Variants in ANKRD30B observed in about 807,000 individuals in gnomAD.
ANKRD30B encodes ankyrin repeat domain 30B.
Under a neutral mutation model 202.2 loss-of-function variants are expected in ANKRD30B, and 144 were observed. That is an observed-to-expected ratio of 0.71 (90% CI 0.62 to 0.82). The LOEUF (loss-of-function observed/expected upper bound fraction) is 0.82. Among genes scored for constraint, ANKRD30B ranks in the 40% least tolerant of loss-of-function variants. ANKRD30B has a pLI of 0.00. For missense variants in ANKRD30B, 1,487 were observed against 1,669.1 expected (o/e 0.89, Z 1.90); for synonymous variants, 508 against 561.3 (o/e 0.91, Z 1.34).
chr18:14,837,327 A>T (rs1971222850), intron 35 of ANKRD30B, 38 bp downstream of exon 35: 2 of 1,472,020 alleles, frequency 1.4e-6, no homozygotes, highest in East Asian at 2.5e-5. Context: ...AAATAATAGA[A>T]ATGGTAAATT....
At chr18:14,887,477 A>G in the ANKRD30B span, among the ~76,000 whole-genome samples, 2 of 152,160 alleles carry the variant, frequency 1.3e-5, no homozygotes, top group Non-Finnish European at 2.9e-5. Context: ...GATTTTATTT[A>G]TCTGATCCAA....
chr18:14,839,659 T>C (rs1237060724), intron 36 of ANKRD30B, among the ~76,000 whole-genome samples: 1 of 152,224 alleles, frequency 6.6e-6, no homozygotes, highest in East Asian at 1.9e-4. Context: ...TATCTAATGA[T>C]TGTTTGCTTT....
At position 14,851,874 on chromosome 18, in the gene ANKRD30B, A is replaced by C; in HGVS notation, c.3930A>C (p.Gln1310His). 2 of 1,589,090 alleles carry C rather than the reference A, an allele frequency of 1.3e-6. No individual in the cohort carries two copies. The highest frequency in any genetic ancestry group is 1.7e-6 in the Non-Finnish European group (2 of 1,166,674). ...RLASALQDHDQSVTSRKNQEL... is the reference protein window; with the variant it reads ...RLASALQDHDHSVTSRKNQEL... ...CTTCTGCTTTACAAGACCATGATCA[A>C]AGTGTCACATCAAGAAAAAACCAAG... is the stretch of plus-strand genomic sequence containing the variant. Residue 1310 changes from glutamine to histidine, a missense_variant, in exon 42 of 44, where the codon CAA becomes CAC. Physicochemically the swap from Gln to His is conservative, Grantham distance 24. Transcript: ENST00000690538.
intron 34 of ANKRD30B, among the ~76,000 whole-genome samples, chr18:14,833,243 A>G (rs563487708): frequency 7.0e-6 from 1 of 142,518 alleles, no homozygotes; most frequent in Admixed American, 7.1e-5. Context: ...GCCGAAACTC[A>G]TGTTCTTTTT....
At chr18:14,940,931 C>T in the ANKRD30B span, among the ~76,000 whole-genome samples, 1 of 152,122 alleles carries the variant, frequency 6.6e-6, no homozygotes, top group Non-Finnish European at 1.5e-5. Context: ...TTCTGAGAGT[C>T]CCAGGGACTC....
the ANKRD30B span, among the ~76,000 whole-genome samples, chr18:14,864,071 G>A: frequency 2.6e-5 from 4 of 151,396 alleles, no homozygotes; most frequent in Non-Finnish European, 4.4e-5. Flanking sequence ...TGCCAGGTGC[G>A]GTGGCTCAAA....
In ANKRD30B at chr18:14,837,303, T is replaced by C. The variant is rs1296992073; in HGVS notation, c.2926+14T>C. The stretch of plus-strand genomic sequence containing the variant: ...AAGATCAAACAAGTAATGACAATTT[T>C]ATTTTTTATACCAAAATAATAGAAA... On this transcript the variant is annotated intron_variant, in intron 35 of 43. Transcript: ENST00000690538. The C allele has an allele frequency of 1.3e-6, 2 of 1,513,918 alleles. No individual in the cohort carries two copies. The highest frequency in any genetic ancestry group is 2.1e-5 in the Admixed American group (1 of 47,532). 93.8% of individuals were successfully genotyped at this position (1,513,918 alleles called of 1,614,324 possible).
chr18:14,878,292 G>C, the ANKRD30B span, among the ~76,000 whole-genome samples: 1 of 152,152 alleles, frequency 6.6e-6, no homozygotes, highest in East Asian at 1.9e-4. Context: ...TTGTTAACTT[G>C]ATTATCTACC....
the ANKRD30B span, among the ~76,000 whole-genome samples, chr18:14,913,974 T>A: frequency 1.9e-4 from 29 of 152,332 alleles, no homozygotes; most frequent in Non-Finnish European, 3.2e-4. Flanking sequence ...GTTTTATAGG[T>A]GAGAAAATTG....
the ANKRD30B span, among the ~76,000 whole-genome samples, chr18:14,921,234 T>G: frequency 6.6e-6 from 1 of 151,824 alleles, no homozygotes. Context: ...TAGATACAAC[T>G]GCCTGTTGTG....
chr18:14,759,587 T>A (rs1056596940), intron 5 of ANKRD30B, among the ~76,000 whole-genome samples: 1 of 152,228 alleles, frequency 6.6e-6, no homozygotes, highest in African/African-American at 2.4e-5. Flanking sequence ...GACTTAAGCA[T>A]CATTCTAACA....
At chr18:14,846,629 G>T (rs867458418) in intron 39 of ANKRD30B, among the ~76,000 whole-genome samples, 1 of 151,906 alleles carries the variant, frequency 6.6e-6, no homozygotes, top group African/African-American at 2.4e-5. Context: ...AAATATTTAG[G>T]ACTGTTATGT....
chr18:14,755,993 T>C (rs1313203007), intron 4 of ANKRD30B, among the ~76,000 whole-genome samples: 1 of 152,248 alleles, frequency 6.6e-6, no homozygotes, highest in East Asian at 1.9e-4. Context: ...ACTTCCACAA[T>C]GGTTGAACTA....
chr18:14,875,940 C>T, the ANKRD30B span, among the ~76,000 whole-genome samples: 1 of 152,158 alleles, frequency 6.6e-6, no homozygotes, highest in South Asian at 2.1e-4. Context: ...ATCCCTGCTA[C>T]ATCATAGTAG....
the ANKRD30B span, among the ~76,000 whole-genome samples, chr18:14,860,026 C>T: frequency 7.0e-6 from 1 of 143,564 alleles, no homozygotes. Flanking sequence ...CAGAGGCGCT[C>T]CTCACAACCC....
At chr18:14,784,785 C>T (rs2143877422) in intron 14 of ANKRD30B, among the ~76,000 whole-genome samples, 1 of 152,132 alleles carries the variant, frequency 6.6e-6, no homozygotes, top group South Asian at 2.1e-4. Flanking sequence ...GTAATGTTTT[C>T]TATTTTGAAC....
the ANKRD30B span, among the ~76,000 whole-genome samples, chr18:14,867,163 A>G: frequency 6.7e-6 from 1 of 148,700 alleles, no homozygotes; most frequent in Non-Finnish European, 1.5e-5. Context: ...ATGGGGCACT[A>G]TTTGGTGCTG....
the ANKRD30B span, among the ~76,000 whole-genome samples, chr18:14,912,819 A>C: frequency 2.0e-4 from 30 of 152,330 alleles, no homozygotes; most frequent in African/African-American, 6.7e-4. Context: ...TTGGATTTCT[A>C]CTTGCCTGGT....
At chr18:14,767,399 A>T (rs1384261402) in intron 7 of ANKRD30B, among the ~76,000 whole-genome samples, 1 of 152,304 alleles carries the variant, frequency 6.6e-6, no homozygotes, top group African/African-American at 2.4e-5. Context: ...CACAGTAAGA[A>T]ATTAAGAATA....
Sources: gnomAD v4.1 joint callset for allele counts (sites outside exome capture counted in the v4.1 genomes callset) on GRCh38, gnomAD v4.1.1 for gene constraint, MANE v1.5 for transcripts, NCBI Gene and HGNC (gene_info 2026-07-23, HGNC 2026-07-21) for gene names.